SEC14L1: variants seen among roughly 807,000 people sequenced by gnomAD.
SEC14L1 encodes SEC14-like protein 1.
In SEC14L1, 48 loss-of-function variants were observed where a neutral mutation model predicts 85.3. The observed-to-expected ratio is 0.56, with a 90% CI of 0.45 to 0.72. The LOEUF is 0.72. SEC14L1 is among the 30% of genes least tolerant of loss of function. SEC14L1 has a pLI of 0.00. For missense variants in SEC14L1, 682 were observed against 921.4 expected (o/e 0.74, Z 3.36); for synonymous variants, 391 against 355.5 (o/e 1.10, Z -1.12).
chr17:77,181,509 T>G (rs749585639), intron 3 of SEC14L1, among the ~76,000 whole-genome samples: 1 of 152,244 alleles, frequency 6.6e-6, no homozygotes, highest in Non-Finnish European at 1.5e-5. Context: ...GCCTCCCGGA[T>G]TCAAGTGATT....
At chr17:77,189,083 C>CA (rs1400435801) in intron 3 of SEC14L1, among the ~76,000 whole-genome samples, 6 of 150,124 alleles carry the variant, frequency 4.0e-5, no homozygotes, top group African/African-American at 1.2e-4. Flanking sequence ...GACAAAATTA[C>CA]AAAAAAATTT....
At chr17:77,092,969 A>C (rs1034131865) in intron 2 of SEC14L1, among the ~76,000 whole-genome samples, 1 of 151,368 alleles carries the variant, frequency 6.6e-6, no homozygotes, top group Non-Finnish European at 1.5e-5. Flanking sequence ...AAAAAAAAAA[A>C]AAAAGAAAGG....
chr17:77,150,973 C>T (rs1257818249), intron 3 of SEC14L1, among the ~76,000 whole-genome samples: 3 of 152,204 alleles, frequency 2.0e-5, no homozygotes, highest in South Asian at 4.1e-4. Context: ...TTCTCTCATC[C>T]TGGATTTCAT....
chr17:77,206,141 C>T lies in SEC14L1; in HGVS notation c.1170-88C>T. On this transcript the variant is annotated intron_variant, in intron 11 of 16. Coordinates refer to ENST00000436233, the MANE Select transcript of SEC14L1 (RefSeq NM_001143998.2). This position sits in a 1 kb window ranked among gnomAD's most constrained non-coding sequence, Gnocchi z 4.3. ...TTGATTATGATGTATTTGGAAATAGCTATAAATGACCAAAAAGGAAGAAAA... is the reference window on the plus strand; with the variant it reads ...TTGATTATGATGTATTTGGAAATAGTTATAAATGACCAAAAAGGAAGAAAA... The T allele has an allele frequency of 7.5e-7, 1 of 1,328,732 alleles. No homozygotes were observed. Among genetic ancestry groups the T allele is most frequent in the Non-Finnish European group, 1.0e-6 (1 of 952,894 alleles). The allele number at this position is 1,328,732 out of a possible 1,614,324, so 82.3% of individuals were successfully genotyped here. A position where few individuals can be genotyped will look rare whatever the true frequency, so the allele number is the denominator to read the frequency against.
chr17:77,186,295 C>T (rs1029954604), intron 3 of SEC14L1, among the ~76,000 whole-genome samples: 1 of 152,178 alleles, frequency 6.6e-6, no homozygotes, highest in African/African-American at 2.4e-5. Flanking sequence ...CTGCCGCCAC[C>T]TGAGGTTGCC....
At chr17:77,134,168 C>G (rs1181026009) in intron 3 of SEC14L1, among the ~76,000 whole-genome samples, 5 of 152,074 alleles carry the variant, frequency 3.3e-5, no homozygotes, top group Non-Finnish European at 7.4e-5. Flanking sequence ...TGACTCCACC[C>G]TGTTCAGCCT....
At chr17:77,127,112 T>A (rs73376350) in intron 3 of SEC14L1, among the ~76,000 whole-genome samples, 3,716 of 152,066 alleles carry the variant, frequency 0.024, 145 homozygotes, top group African/African-American at 0.084. Context: ...TACTGACACG[T>A]CCTCTTAAGT....
intron 3 of SEC14L1, among the ~76,000 whole-genome samples, chr17:77,103,875 G>A (rs146754214): frequency 0.021 from 3,200 of 150,816 alleles, 48 homozygotes; most frequent in Non-Finnish European, 0.032. Flanking sequence ...GGATCCAGGC[G>A]GCACCGGGCG....
At position 77,095,680 on chromosome 17, in the gene SEC14L1, C is replaced by T. The variant is rs186217167; in HGVS notation, c.-136+2333C>T. Among the ~76,000 whole-genome samples, 74 of 152,040 alleles carry T rather than the reference C, an allele frequency of 4.9e-4. 1 individual carries two copies. Among genetic ancestry groups the T allele is most frequent in the African/African-American group, 1.3e-3 (56 of 41,500 alleles). Reference sequence around the variant, plus strand: ...AAAAATACAAAATTCAACCAGGTGTCGTGGCAGGCACCTGTAATCCCAGCT... The same window carrying T: ...AAAAATACAAAATTCAACCAGGTGTTGTGGCAGGCACCTGTAATCCCAGCT... On this transcript the variant is annotated intron_variant, in intron 3 of 19. Coordinates refer to the SEC14L1 transcript ENST00000392476.
chr17:77,192,389 C>G (rs1183777152), intron 5 of SEC14L1, among the ~76,000 whole-genome samples: 3 of 152,166 alleles, frequency 2.0e-5, no homozygotes, highest in African/African-American at 7.2e-5. Flanking sequence ...GGGCTCAAAA[C>G]CCTGGAGTGT....
In SEC14L1 at chr17:77,206,869, C is replaced by T; in HGVS notation, c.1476+7C>T. The T allele has an allele frequency of 6.4e-7, 1 of 1,558,178 alleles. No homozygotes were observed. Among genetic ancestry groups the T allele is most frequent in the Non-Finnish European group, 8.7e-7 (1 of 1,154,604 alleles). ...CCTGAGTGGGGAGTGCATGGTATGT[C>T]CTGAGGCGAGGAACTGCACATTTGG... On this transcript the variant is annotated splice_region_variant and intron_variant, in intron 13 of 16. Transcript: ENST00000436233. This position sits in a 1 kb window ranked among gnomAD's most constrained non-coding sequence, Gnocchi z 4.3.
chr17:77,125,154 G>A (rs1308229015), intron 3 of SEC14L1, among the ~76,000 whole-genome samples: 3 of 151,534 alleles, frequency 2.0e-5, no homozygotes, highest in South Asian at 2.1e-4. Flanking sequence ...ACAGGCGCCC[G>A]CCCGGCTAAT....
rs186563979 is a variant in SEC14L1 at position 77,192,474 on chromosome 17, C to T, written c.346-947C>T. 1.7e-3 allele frequency among the ~76,000 whole-genome samples: 258 copies of T among 152,312 alleles called. 1 individual carries two copies. The highest frequency in any genetic ancestry group is 3.3e-3 in the Non-Finnish European group (224 of 68,024). On this transcript the variant is annotated intron_variant, in intron 5 of 16. Coordinates refer to ENST00000436233, the MANE Select transcript of SEC14L1 (RefSeq NM_001143998.2). ...AAGGGCCTGAGTTCTCTCCTGGTTA[C>T]GCCTTTCCTGTCCTTGCTGTCATGC...
intron 7 of SEC14L1, among the ~76,000 whole-genome samples, chr17:77,195,712 T>C (rs1975776904): frequency 6.6e-6 from 1 of 152,158 alleles, no homozygotes; most frequent in South Asian, 2.1e-4. Flanking sequence ...TGTCTTGAAC[T>C]CCTGATCTCA....
Position 77,215,682 on chromosome 17 carries a change from TG to T in SEC14L1, c.*1661del, listed in dbSNP as rs1350561963. 1.0e-6 allele frequency: 1 copy of T among 994,200 alleles called. No homozygotes were observed. Among genetic ancestry groups the T allele is most frequent in the Non-Finnish European group, 1.2e-6 (1 of 834,220 alleles). 61.6% of individuals were successfully genotyped at this position (994,200 alleles called of 1,614,324 possible). On this transcript the variant is annotated 3_prime_UTR_variant, in exon 17 of 17. Coordinates refer to ENST00000436233, the MANE Select transcript of SEC14L1 (RefSeq NM_001143998.2). ...TGCTCTTAGAGATCGAGCTCCTCAG[TG>T]GTACCTGAAGCCTTTGCTTCCGGAA...
chr17:77,205,215 G>A (rs915742410), intron 10 of SEC14L1, 61 bp from the exon 11 acceptor site: 1 of 1,411,470 alleles, frequency 7.1e-7, no homozygotes, highest in African/African-American at 1.4e-5. Context: ...TTCCATAGCT[G>A]GACGCGGTAG....
chr17:77,174,035 G>C (rs764308576), intron 3 of SEC14L1, among the ~76,000 whole-genome samples: 1 of 151,888 alleles, frequency 6.6e-6, no homozygotes, highest in Non-Finnish European at 1.5e-5. Flanking sequence ...CAAGTAGCTG[G>C]GACTACAGGC....
At chr17:77,189,886 C>G (rs964526766) in intron 3 of SEC14L1, among the ~76,000 whole-genome samples, 2 of 152,194 alleles carry the variant, frequency 1.3e-5, no homozygotes, top group Admixed American at 1.3e-4. Flanking sequence ...CCTCAGACTC[C>G]CAAAGTGCTG....
intron 8 of SEC14L1, among the ~76,000 whole-genome samples, chr17:77,200,011 C>A (rs1048209235): frequency 6.6e-6 from 1 of 152,084 alleles, no homozygotes; most frequent in Middle Eastern, 3.2e-3. Context: ...TCTACAAATA[C>A]AAAAATGAGC....
Sources: allele counts gnomAD v4.1 joint callset (sites outside exome capture counted in the v4.1 genomes callset), GRCh38; gene constraint gnomAD v4.1.1; non-coding constraint Gnocchi (gnomAD v3.1); transcripts MANE v1.5; gene names NCBI Gene and HGNC (gene_info 2026-07-23, HGNC 2026-07-21).